PTPRS: variants seen among roughly 807,000 people sequenced by gnomAD.
PTPRS encodes the protein protein tyrosine phosphatase receptor type S.
In PTPRS, 63 loss-of-function variants were observed where a neutral mutation model predicts 215.3. The observed-to-expected ratio is 0.29, with a 90% CI of 0.24 to 0.36. The LOEUF is 0.36. Ranked by LOEUF, PTPRS falls within the 10% of genes least tolerant of loss-of-function variation. The pLI, the probability that PTPRS is intolerant of heterozygous loss-of-function variation, is 1.00. For synonymous variants in PTPRS, 1,404 were observed against 1,191.4 expected, an observed-to-expected ratio of 1.18 and a Z score of -3.68; for missense variants, 2,258 against 2,825.8, an observed-to-expected ratio of 0.80 and a Z score of 4.56.
chr19:5,257,913 T>C lies in PTPRS; in HGVS notation c.706+104A>G. 3 of 920,766 alleles carry C rather than the reference T, an allele frequency of 3.3e-6. No homozygotes were observed. In the South Asian group the frequency reaches 4.9e-5, roughly 15 times the overall value. The allele number at this position is 920,766 out of a possible 1,614,324, so 57.0% of individuals were successfully genotyped here. On this transcript the variant is annotated intron_variant, in intron 8 of 37. Coordinates refer to ENST00000262963, the MANE Select transcript of PTPRS (RefSeq NM_002850.4). The surrounding 1 kb of genome is among the most constrained non-coding windows in gnomAD (Gnocchi z 4.4). ...GCGACCGGGGAGGGGCCTTCCTGCT[T>C]GGGTGTGCAGGGGACGGGGGAGCCC... is the stretch of plus-strand genomic sequence containing the variant.
intron 16 of PTPRS, among the ~76,000 whole-genome samples, chr19:5,226,506 G>A (rs935182519): frequency 4.6e-5 from 7 of 151,968 alleles, no homozygotes; most frequent in Non-Finnish European, 1.0e-4. Context: ...CAAGGCAGGA[G>A]GATCACTTAA....
chr19:5,273,671 G>T, intron 3 of PTPRS, 88 bp from the exon 4 acceptor site: 2 of 1,492,472 alleles, frequency 1.3e-6, no homozygotes, highest in South Asian at 1.2e-5. Context: ...GGCTGTAGGG[G>T]AATGGCAGTC....
intron 1 of PTPRS, among the ~76,000 whole-genome samples, chr19:5,337,657 G>C (rs568771319): frequency 6.6e-6 from 1 of 152,320 alleles, no homozygotes; most frequent in South Asian, 2.1e-4. Context: ...AACCCAGGCA[G>C]AGCCCCAGGC....
At chr19:5,214,189 TCA>T (rs1026702764) in intron 30 of PTPRS, among the ~76,000 whole-genome samples, 170 bp downstream of exon 30, 1 of 152,226 alleles carries the variant, frequency 6.6e-6, no homozygotes, top group Non-Finnish European at 1.5e-5. Flanking sequence ...TCTCTGAGCC[TCA>T]GTTTCCCCCT....
In PTPRS at chr19:5,277,057, G is replaced by GT. The variant is rs60512892; in HGVS notation, c.92-2714dup. On this transcript the variant is annotated intron_variant, in intron 2 of 37. Coordinates refer to ENST00000262963, the MANE Select transcript of PTPRS (RefSeq NM_002850.4). Reference sequence around the variant, plus strand: ...GAATGGAGCTACTGCTGAGTTTTGTGTTTTTTTTTTTTTTTTTTAAGAGAC... The same window carrying GT: ...GAATGGAGCTACTGCTGAGTTTTGTGTTTTTTTTTTTTTTTTTTTAAGAGAC... Among the ~76,000 whole-genome samples the GT allele has an allele frequency of 6.9e-3, 916 of 133,146 alleles. 11 individuals are homozygous for GT. The highest frequency in any genetic ancestry group is 8.0e-3 in the African/African-American group (285 of 35,474). The allele number at this position is 133,146 out of a possible 152,430, so 87.3% of individuals were successfully genotyped here.
At chr19:5,229,833 G>A (rs911592759) in intron 14 of PTPRS, 149 bp from the exon 15 acceptor site, 18 of 470,438 alleles carry the variant, frequency 3.8e-5, no homozygotes, top group African/African-American at 3.7e-4. Context: ...CCGGGCGGGA[G>A]GACATGGCCT....
At chr19:5,212,513 C>G (rs1194885391) in intron 30 of PTPRS, 22 bp from the exon 31 acceptor site, 1 of 1,564,622 alleles carries the variant, frequency 6.4e-7, no homozygotes, top group African/African-American at 1.4e-5. Context: ...AAGGATGTCA[C>G]CTGTCACTCC....
At chr19:5,315,704 CT>C (rs1392105076) in intron 1 of PTPRS, among the ~76,000 whole-genome samples, 2 of 151,404 alleles carry the variant, frequency 1.3e-5, no homozygotes, top group Non-Finnish European at 1.5e-5. Flanking sequence ...GTTGCCCCAC[CT>C]GATCTGGAAC....
At chr19:5,211,562 C>G in intron 33 of PTPRS, 28 bp downstream of exon 33, 2 of 1,592,862 alleles carry the variant, frequency 1.3e-6, no homozygotes, top group Non-Finnish European at 1.7e-6. Flanking sequence ...CTTCTGGGGC[C>G]CTGAGGTGGG....
At chr19:5,222,068 G>A in intron 19 of PTPRS, 55 bp downstream of exon 19, 1 of 1,456,288 alleles carries the variant, frequency 6.9e-7, no homozygotes, top group East Asian at 2.3e-5. Flanking sequence ...AAGCCCTGCT[G>A]AACTACAACC....
At chr19:5,219,840 G>T in intron 22 of PTPRS, 99 bp downstream of exon 22, 1 of 1,333,954 alleles carries the variant, frequency 7.5e-7, no homozygotes, top group Non-Finnish European at 1.0e-6. Flanking sequence ...ACCACAGGGA[G>T]CTGCCTGTGA....
intron 5 of PTPRS, among the ~76,000 whole-genome samples, chr19:5,264,633 C>A (rs920834908): frequency 2.6e-5 from 4 of 152,190 alleles, no homozygotes; most frequent in Non-Finnish European, 5.9e-5. Context: ...TCCTATCACC[C>A]ACAACTGTCT....
intron 1 of PTPRS, among the ~76,000 whole-genome samples, chr19:5,298,285 T>C (rs560582241): frequency 6.6e-6 from 1 of 152,222 alleles, no homozygotes; most frequent in Non-Finnish European, 1.5e-5. Context: ...CTTCGTCTCC[T>C]GAAGAAACTT....
chr19:5,277,830 C>T, intron 2 of PTPRS: 3 of 783,026 alleles, frequency 3.8e-6, no homozygotes, highest in Non-Finnish European at 6.8e-6. Flanking sequence ...CAAAATTAAG[C>T]GTTAACTGGG....
At chr19:5,233,743 A>G (rs2043199728) in intron 13 of PTPRS, among the ~76,000 whole-genome samples, 1 of 151,216 alleles carries the variant, frequency 6.6e-6, no homozygotes, top group Non-Finnish European at 1.5e-5. Flanking sequence ...GGAGTTAGAG[A>G]GACCAGCCTA....
chr19:5,303,173 A>C (rs977122545), intron 1 of PTPRS, among the ~76,000 whole-genome samples: 7 of 152,158 alleles, frequency 4.6e-5, no homozygotes, highest in Admixed American at 3.3e-4. Context: ...TGTGGGCCTG[A>C]ACCAGTCCTC....
chr19:5,211,603 T>C lies in PTPRS; in HGVS notation c.5221A>G (p.Ile1741Val). 6.2e-7 allele frequency: 1 copy of C among 1,608,174 alleles called. No individual in the cohort carries two copies. Residue 1741 changes from isoleucine (I) to valine (V), a missense_variant, in exon 33 of 38, where the codon ATT becomes GTT. By Grantham distance (29) the Ile-to-Val change is conservative. Transcript: ENST00000262963. Reference sequence around the variant, plus strand: ...CATGGCACCTACCTGTAGCCATCAATGAAGCTGGCGTTGATGTAGTCAGAG... The same window carrying C: ...CATGGCACCTACCTGTAGCCATCAACGAAGCTGGCGTTGATGTAGTCAGAG... Reference protein sequence around the residue: ...EGSDYINASFIDGYRQQKAYI... With the variant: ...EGSDYINASFVDGYRQQKAYI...
intron 9 of PTPRS, among the ~76,000 whole-genome samples, chr19:5,249,576 G>A (rs966978726): frequency 6.6e-6 from 1 of 152,228 alleles, no homozygotes; most frequent in Non-Finnish European, 1.5e-5. Flanking sequence ...TCACCATAGT[G>A]AGTAACGAGG....
intron 1 of PTPRS, among the ~76,000 whole-genome samples, chr19:5,309,923 C>T (rs948981588): frequency 3.9e-5 from 6 of 152,194 alleles, no homozygotes; most frequent in African/African-American, 1.2e-4. Flanking sequence ...GTGAACACGT[C>T]GGTCAGGGCT....
Sources: allele counts gnomAD v4.1 joint callset (sites outside exome capture counted in the v4.1 genomes callset), GRCh38; gene constraint gnomAD v4.1.1; non-coding constraint Gnocchi (gnomAD v3.1); transcripts MANE v1.5; gene names NCBI Gene and HGNC (gene_info 2026-07-23, HGNC 2026-07-21).